Variants in PHACTR2 observed in about 807,000 individuals in gnomAD.
The protein encoded by PHACTR2 is phosphatase and actin regulator 2.
PHACTR2 carries 30 observed loss-of-function variants against 76.0 expected under a neutral mutation model. The observed-to-expected ratio is 0.39, with a 90% CI of 0.30 to 0.54. The LOEUF (loss-of-function observed/expected upper bound fraction) is 0.54. Among genes scored for constraint, PHACTR2 ranks in the 20% least tolerant of loss-of-function variants. The pLI, the probability that PHACTR2 is intolerant of heterozygous loss-of-function variation, is 0.61. For missense variants in PHACTR2, 696 were observed against 781.1 expected (o/e 0.89, Z 1.30); for synonymous variants, 292 against 292.5 (o/e 1.00, Z 0.02).
intron 9 of PHACTR2, among the ~76,000 whole-genome samples, chr6:143,779,896 G>T (rs1429820851): frequency 8.9e-6 from 1 of 111,954 alleles, no homozygotes; most frequent in African/African-American, 3.5e-5. Flanking sequence ...TTACATATAC[G>T]TATTTATATT....
At position 143,777,276 on chromosome 6, in the gene PHACTR2, C is replaced by T; in HGVS notation, c.1590-52C>T. The T allele has an allele frequency of 2.2e-6, 2 of 929,358 alleles. No homozygotes were observed. Among genetic ancestry groups the T allele is most frequent in the Non-Finnish European group, 3.4e-6 (2 of 581,024 alleles). The allele number at this position is 929,358 out of a possible 1,614,324, so 57.6% of individuals were successfully genotyped here. A position where few individuals can be genotyped will look rare whatever the true frequency, so the allele number is the denominator to read the frequency against. On this transcript the variant is annotated intron_variant, in intron 8 of 12. Transcript: ENST00000440869. This position sits in a 1 kb window ranked among gnomAD's most constrained non-coding sequence, Gnocchi z 4.6. ...GCTTTGTTGTTTTATTCTGAGTCTC[C>T]TACTAGGGTACCTTGTTTTTAACCT...
At chr6:143,669,788 TC>T (rs1180147903) in intron 1 of PHACTR2, among the ~76,000 whole-genome samples, 1 of 151,760 alleles carries the variant, frequency 6.6e-6, no homozygotes, top group African/African-American at 2.4e-5. Context: ...CACTGATAAG[TC>T]TTGGCTCTTT....
At chr6:143,638,543 CAA>C (rs775356198) in intron 1 of PHACTR2, among the ~76,000 whole-genome samples, 36 of 126,168 alleles carry the variant, frequency 2.9e-4, no homozygotes, top group Non-Finnish European at 2.7e-4. Context: ...GACCTTGTCT[CAA>C]AAAAAAAAAA....
At chr6:143,810,362 A>T (rs1318186541) in intron 12 of PHACTR2, among the ~76,000 whole-genome samples, 1 of 152,170 alleles carries the variant, frequency 6.6e-6, no homozygotes, top group South Asian at 2.1e-4. Flanking sequence ...TACATTTTGC[A>T]TTTTGGAATA....
intron 1 of PHACTR2, among the ~76,000 whole-genome samples, chr6:143,706,721 C>T (rs1356178659): frequency 1.3e-5 from 2 of 152,124 alleles, no homozygotes; most frequent in Admixed American, 1.3e-4. Flanking sequence ...GATATTTGAC[C>T]CAATCTGCTG....
intron 1 of PHACTR2, among the ~76,000 whole-genome samples, chr6:143,702,679 C>G (rs1007482423): frequency 6.6e-6 from 1 of 151,574 alleles, no homozygotes; most frequent in Non-Finnish European, 1.5e-5. Context: ...ATAGTTGTCC[C>G]ATGGTGGATA....
intron 1 of PHACTR2, among the ~76,000 whole-genome samples, chr6:143,645,920 A>G (rs1207670146): frequency 2.6e-5 from 4 of 152,324 alleles, no homozygotes; most frequent in African/African-American, 9.6e-5. Context: ...AAGTCATTCC[A>G]TAATATGACA....
chr6:143,693,469 C>T (rs1777696971), intron 1 of PHACTR2, among the ~76,000 whole-genome samples: 1 of 152,308 alleles, frequency 6.6e-6, no homozygotes, highest in African/African-American at 2.4e-5. Flanking sequence ...AAATCCTGAC[C>T]TCAGGTGATC....
rs1226486486 is a variant in PHACTR2 at position 143,730,521 on chromosome 6, G to C, written c.214+18338G>C. Reference sequence around the variant, plus strand: ...ACTTATCAGTTCTAGTAGTTCTAGTGAAAATACCTTAGGATTTTCTACATG... The same window carrying C: ...ACTTATCAGTTCTAGTAGTTCTAGTCAAAATACCTTAGGATTTTCTACATG... On this transcript the variant is annotated intron_variant, in intron 2 of 12. Coordinates refer to ENST00000440869, the MANE Select transcript of PHACTR2 (RefSeq NM_001100164.2). This position sits in a 1 kb window ranked among gnomAD's most constrained non-coding sequence, Gnocchi z 4.8. Among the ~76,000 whole-genome samples, 1 of 152,128 alleles carries C rather than the reference G, an allele frequency of 6.6e-6. No individual in the cohort carries two copies. The highest frequency in any genetic ancestry group is 1.5e-5 in the Non-Finnish European group (1 of 68,022).
In PHACTR2 at chr6:143,571,077, A is replaced by G. The variant is rs1775441464; in HGVS notation, c.217+33870A>G. On this transcript the variant is annotated intron_variant, in intron 1 of 11. Coordinates refer to the PHACTR2 transcript ENST00000367584. This position sits in a 1 kb window ranked among gnomAD's most constrained non-coding sequence, Gnocchi z 4.6. ...CGTATACTCTTCACCTGGACTCCCC[A>G]AATGGTAATATCTTACAAAACTGTA... Among the ~76,000 whole-genome samples, 1 of 152,234 alleles carries G rather than the reference A, an allele frequency of 6.6e-6. No individual in the cohort carries two copies. The highest frequency in any genetic ancestry group is 2.4e-5 in the African/African-American group (1 of 41,462).
chr6:143,803,894 A>G lies in PHACTR2; in HGVS notation c.1846-3163A>G, dbSNP rs1435530699. Among the ~76,000 whole-genome samples, 5 of 152,234 alleles carry G rather than the reference A, an allele frequency of 3.3e-5. No homozygotes were observed. On this transcript the variant is annotated intron_variant, in intron 11 of 12. Coordinates refer to ENST00000440869, the MANE Select transcript of PHACTR2 (RefSeq NM_001100164.2). This position sits in a 1 kb window ranked among gnomAD's most constrained non-coding sequence, Gnocchi z 4.7. Reference sequence around the variant, plus strand: ...AACTTATCCTGAGGTAAACAACTGCAGCCGTTAGTGTTGCCAGGCAAATAT... The same window carrying G: ...AACTTATCCTGAGGTAAACAACTGCGGCCGTTAGTGTTGCCAGGCAAATAT...
At chr6:143,676,640 A>G (rs1777253297), upstream of PHACTR2, among the ~76,000 whole-genome samples, 1 of 152,130 alleles carries the variant, frequency 6.6e-6, no homozygotes, top group African/African-American at 2.4e-5. The surrounding 1 kb of genome is among the most constrained non-coding windows in gnomAD (Gnocchi z 4.8). Context: ...CCCAGGTGGG[A>G]TGTGTTTCCA....
chr6:143,593,927 TC>T (rs1775721148), intron 1 of PHACTR2, among the ~76,000 whole-genome samples: 1 of 152,248 alleles, frequency 6.6e-6, no homozygotes, highest in African/African-American at 2.4e-5. Context: ...TTCTCTGCTG[TC>T]CCTACTGTGG....
In PHACTR2 at chr6:143,610,824, G is replaced by A. The variant is rs1298946665; in HGVS notation, c.13+2502G>A. Among the ~76,000 whole-genome samples the A allele has an allele frequency of 6.6e-6, 1 of 152,088 alleles. No individual in the cohort carries two copies. Among genetic ancestry groups the A allele is most frequent in the Non-Finnish European group, 1.5e-5 (1 of 68,018 alleles). On this transcript the variant is annotated intron_variant, in intron 1 of 11. Coordinates refer to the PHACTR2 transcript ENST00000305766. This position sits in a 1 kb window ranked among gnomAD's most constrained non-coding sequence, Gnocchi z 4.9. ...TGTATTCCTTTAAAAGCTTTTCCTG[G>A]AATAACAATAAAATATTTATCAAAC...
chr6:143,807,010 T>G lies in PHACTR2; in HGVS notation c.1846-47T>G. The stretch of plus-strand genomic sequence containing the variant: ...TGATGCTGTATATACTGGGGCAATA[T>G]ATGACCTAAATAACAGTTCTGTTTA... On this transcript the variant is annotated intron_variant, in intron 11 of 12. Coordinates refer to ENST00000440869, the MANE Select transcript of PHACTR2 (RefSeq NM_001100164.2). The surrounding 1 kb of genome is among the most constrained non-coding windows in gnomAD (Gnocchi z 5.5). 4 of 1,050,244 alleles carry G rather than the reference T, an allele frequency of 3.8e-6. No homozygotes were observed. Among genetic ancestry groups the G allele is most frequent in the Non-Finnish European group, 5.8e-6 (4 of 684,162 alleles). The allele number at this position is 1,050,244 out of a possible 1,614,324, so 65.1% of individuals were successfully genotyped here.
chr6:143,787,737 A>AC lies in PHACTR2; in HGVS notation c.1708-1030dup, dbSNP rs765639654. Among the ~76,000 whole-genome samples, 51 of 151,440 alleles carry AC rather than the reference A, an allele frequency of 3.4e-4. No individual in the cohort carries two copies. The highest frequency in any genetic ancestry group is 2.5e-3 in the East Asian group (13 of 5,142). On this transcript the variant is annotated intron_variant, in intron 10 of 12. Transcript: ENST00000440869. This position sits in a 1 kb window ranked among gnomAD's most constrained non-coding sequence, Gnocchi z 4.6. Reference sequence around the variant, plus strand: ...AGACCAGCCTGAGCAACATAGAGAGACCCCCCACCCACTCTGTTTAAATAA... The same window carrying AC: ...AGACCAGCCTGAGCAACATAGAGAGACCCCCCCACCCACTCTGTTTAAATAA...
intron 11 of PHACTR2, among the ~76,000 whole-genome samples, chr6:143,798,932 T>C (rs1373929340): frequency 6.6e-6 from 1 of 152,246 alleles, no homozygotes; most frequent in East Asian, 1.9e-4. Flanking sequence ...CCTCTTTTTC[T>C]ATTGATTGGG....
In PHACTR2 at chr6:143,684,107, T is replaced by C. The variant is rs1181347033; in HGVS notation, c.46+5898T>C. ...CTGGGTTCTTTGCATATGTATATGC[T>C]CTTATGAACAATACTGAAATGAACA... On this transcript the variant is annotated intron_variant, in intron 1 of 12. Coordinates refer to ENST00000440869, the MANE Select transcript of PHACTR2 (RefSeq NM_001100164.2). The surrounding 1 kb of genome is among the most constrained non-coding windows in gnomAD (Gnocchi z 4.3). Among the ~76,000 whole-genome samples, 1 of 152,176 alleles carries C rather than the reference T, an allele frequency of 6.6e-6. No individual in the cohort carries two copies. Among genetic ancestry groups the C allele is most frequent in the Non-Finnish European group, 1.5e-5 (1 of 68,046 alleles).
intron 2 of PHACTR2, among the ~76,000 whole-genome samples, chr6:143,741,274 G>C (rs1778935222): frequency 6.6e-6 from 1 of 151,296 alleles, no homozygotes; most frequent in South Asian, 2.1e-4. Flanking sequence ...CTACTCAGAA[G>C]GCTGAGGCAG....
Sources: allele counts gnomAD v4.1 joint callset (sites outside exome capture counted in the v4.1 genomes callset), GRCh38; gene constraint gnomAD v4.1.1; non-coding constraint Gnocchi (gnomAD v3.1); transcripts MANE v1.5; gene names NCBI Gene and HGNC (gene_info 2026-07-23, HGNC 2026-07-21).